Variants in ADGRB3 observed in about 807,000 individuals in gnomAD.
ADGRB3 encodes the protein brain-specific angiogenesis inhibitor 3.
In ADGRB3, 37 loss-of-function variants were observed where a neutral mutation model predicts 193.4. The ratio of observed to expected loss-of-function variants is 0.19; its 90% confidence interval spans 0.15 to 0.25. ADGRB3 has a LOEUF of 0.25. Ranked by LOEUF, ADGRB3 falls within the 10% of genes least tolerant of loss-of-function variation. ADGRB3 has a pLI of 1.00. For synonymous variants in ADGRB3, 690 were observed against 644.2 expected (o/e 1.07, Z -1.08); for missense variants, 1,637 against 1,852.9 (o/e 0.88, Z 2.14).
In ADGRB3 at chr6:68,915,061, G is replaced by C. The variant is rs549119347; in HGVS notation, c.758-15498G>C. 2.5e-3 allele frequency among the ~76,000 whole-genome samples: 382 copies of C among 152,236 alleles called. 3 individuals are homozygous for C. Among genetic ancestry groups the C allele is most frequent in the Non-Finnish European group, 2.3e-3 (154 of 68,018 alleles). ...AAGAGATGTCTGCAAATTTAGAAAA[G>C]TAAAGGATACAAAGGACATAAAATT... On this transcript the variant is annotated intron_variant, in intron 3 of 31. Transcript: ENST00000370598.
intron 3 of ADGRB3, among the ~76,000 whole-genome samples, chr6:68,859,126 CA>C (rs576753845): frequency 1.4e-4 from 22 of 152,248 alleles, no homozygotes; most frequent in African/African-American, 4.8e-4. Context: ...TCTCAAGTTC[CA>C]AGTTCCACAG....
At chr6:68,926,913 A>G (rs1767198198) in intron 3 of ADGRB3, among the ~76,000 whole-genome samples, 1 of 152,134 alleles carries the variant, frequency 6.6e-6, no homozygotes, top group Non-Finnish European at 1.5e-5. Flanking sequence ...AATGACATAA[A>G]ATTGTACTGA....
At chr6:69,254,437 T>C (rs1324057304) in intron 20 of ADGRB3, among the ~76,000 whole-genome samples, 2 of 152,168 alleles carry the variant, frequency 1.3e-5, no homozygotes, top group Admixed American at 6.6e-5. Flanking sequence ...GATTCTATTA[T>C]GTATAATTTG....
At chr6:68,753,017 G>T (rs921283510) in intron 3 of ADGRB3, among the ~76,000 whole-genome samples, 4 of 152,090 alleles carry the variant, frequency 2.6e-5, no homozygotes, top group African/African-American at 4.8e-5. Flanking sequence ...ATGAAGCAGA[G>T]GTACCTGTGG....
intron 3 of ADGRB3, among the ~76,000 whole-genome samples, chr6:68,863,693 CTACT>C (rs535038790): frequency 7.3e-4 from 111 of 152,218 alleles, no homozygotes; most frequent in African/African-American, 2.6e-3. Context: ...AGCTTTTAGA[CTACT>C]TAGAGAATGG....
Position 69,164,065 on chromosome 6 carries a change from A to C in ADGRB3, c.2481-69225A>C, listed in dbSNP as rs370126296. On this transcript the variant is annotated intron_variant, in intron 17 of 31. Transcript: ENST00000370598. ...GATCTTTGAAGGTGAGGTATTGTCT[A>C]ATTCAGCTTTGTTTCTCCAGTATTT... Among the ~76,000 whole-genome samples the C allele has an allele frequency of 1.2e-3, 185 of 152,160 alleles. 2 individuals are homozygous for C. In the South Asian group the frequency reaches 0.031, roughly 25 times the overall value.
At chr6:68,681,879 G>C (rs371585928) in intron 3 of ADGRB3, among the ~76,000 whole-genome samples, 43 of 152,274 alleles carry the variant, frequency 2.8e-4, no homozygotes, top group African/African-American at 1.0e-3. Context: ...ATTTTACTCT[G>C]TCTGGTATGA....
intron 30 of ADGRB3, among the ~76,000 whole-genome samples, chr6:69,374,561 A>C (rs543741016): frequency 2.4e-4 from 37 of 152,188 alleles, no homozygotes; most frequent in African/African-American, 7.2e-4. Context: ...TATTCTGCCA[A>C]CTCATATATC....
intron 3 of ADGRB3, among the ~76,000 whole-genome samples, chr6:68,688,602 T>C (rs1765021172): frequency 6.6e-6 from 1 of 152,180 alleles, no homozygotes; most frequent in Admixed American, 6.5e-5. Flanking sequence ...AACGTTTTCT[T>C]GGAAAGAGAC....
chr6:69,039,005 C>T (rs533127483), intron 13 of ADGRB3, among the ~76,000 whole-genome samples: 1 of 152,252 alleles, frequency 6.6e-6, no homozygotes, highest in African/African-American at 2.4e-5. Flanking sequence ...CTCTATCCTG[C>T]CCCAAATGTG....
intron 3 of ADGRB3, among the ~76,000 whole-genome samples, chr6:68,787,897 G>T (rs1767009659): frequency 2.6e-5 from 4 of 152,096 alleles, no homozygotes; most frequent in Non-Finnish European, 4.4e-5. Context: ...ATATATGTGT[G>T]GAGGAATTTA....
At chr6:68,893,464 C>CATACCTACTGATAAAGAA (rs1766135071) in intron 3 of ADGRB3, among the ~76,000 whole-genome samples, 1 of 148,660 alleles carries the variant, frequency 6.7e-6, no homozygotes, top group African/African-American at 2.5e-5. Context: ...CCTTAGCATT[C>CATACCTACTGATAAAGAA]AAAATGAGGG....
chr6:68,892,768 G>A (rs751436546), intron 3 of ADGRB3, among the ~76,000 whole-genome samples: 3 of 151,904 alleles, frequency 2.0e-5, no homozygotes, highest in Non-Finnish European at 2.9e-5. Flanking sequence ...AAAAACACTC[G>A]GAGAAACTTA....
At chr6:69,043,031 T>A (rs989213207) in intron 13 of ADGRB3, among the ~76,000 whole-genome samples, 18 of 152,118 alleles carry the variant, frequency 1.2e-4, no homozygotes, top group African/African-American at 4.3e-4. Context: ...TTAAATGCAA[T>A]CCTTTTGAAA....
intron 3 of ADGRB3, among the ~76,000 whole-genome samples, chr6:68,766,496 T>C (rs970282900): frequency 1.3e-5 from 2 of 152,036 alleles, no homozygotes; most frequent in Non-Finnish European, 2.9e-5. Flanking sequence ...TTGCAGATCT[T>C]ATGAACAATT....
At chr6:69,111,461 G>A (rs1020953689) in intron 17 of ADGRB3, among the ~76,000 whole-genome samples, 9 of 152,128 alleles carry the variant, frequency 5.9e-5, no homozygotes, top group Non-Finnish European at 1.3e-4. Flanking sequence ...TTTGCTGCCT[G>A]TCATTATTTT....
At chr6:69,318,545 A>T (rs1182831319) in intron 20 of ADGRB3, among the ~76,000 whole-genome samples, 1 of 151,322 alleles carries the variant, frequency 6.6e-6, no homozygotes, top group Admixed American at 6.6e-5. Context: ...GCTCATTTCG[A>T]TATCAATGTC....
At chr6:69,093,051 G>A (rs1021377021) in intron 17 of ADGRB3, among the ~76,000 whole-genome samples, 3 of 151,720 alleles carry the variant, frequency 2.0e-5, no homozygotes, top group Non-Finnish European at 4.4e-5. Context: ...TGGAGGAGGG[G>A]TGGGCAGCCT....
chr6:69,106,976 T>G (rs1773233109), intron 17 of ADGRB3, among the ~76,000 whole-genome samples: 1 of 152,196 alleles, frequency 6.6e-6, no homozygotes, highest in Non-Finnish European at 1.5e-5. Flanking sequence ...GTTAGTTCAC[T>G]TGAATATAAA....
Sources: allele counts gnomAD v4.1 joint callset (sites outside exome capture counted in the v4.1 genomes callset), GRCh38; gene constraint gnomAD v4.1.1; transcripts MANE v1.5; gene names NCBI Gene and HGNC (gene_info 2026-07-23, HGNC 2026-07-21).